Variants in CACNA1B observed in about 807,000 individuals in gnomAD.
CACNA1B encodes voltage-dependent N-type calcium channel subunit alpha-1B.
CACNA1B carries 70 observed loss-of-function variants against 247.2 expected under a neutral mutation model. That is an observed-to-expected ratio of 0.28 (90% confidence interval 0.23 to 0.35). The LOEUF (loss-of-function observed/expected upper bound fraction) is 0.35, where lower values mean the gene tolerates loss of function less well. Among genes scored for constraint, CACNA1B ranks in the 10% least tolerant of loss-of-function variants. CACNA1B has a pLI of 1.00. For synonymous variants in CACNA1B, 1,231 were observed against 1,294.4 expected (o/e 0.95, Z 1.05); for missense variants, 2,367 against 3,197.4 (o/e 0.74, Z 6.26).
rs539178683 is a variant in CACNA1B at position 137,923,992 on chromosome 9, A to G, written c.966+6561A>G. Among the ~76,000 whole-genome samples, 9 of 152,254 alleles carry G rather than the reference A, an allele frequency of 5.9e-5. No homozygotes were observed. The South Asian group carries it at 8.3e-4, about 14-fold the overall frequency. On this transcript the variant is annotated intron_variant, in intron 6 of 46. Coordinates refer to ENST00000371372, the MANE Select transcript of CACNA1B (RefSeq NM_000718.4). The stretch of plus-strand genomic sequence containing the variant: ...ATGTTCTGTTTGAATTGTTCTTTAT[A>G]TATTCTAGGAACTGGTTCTTTGTCA...
intron 15 of CACNA1B, among the ~76,000 whole-genome samples, chr9:138,003,160 A>G: frequency 6.8e-6 from 1 of 146,202 alleles, no homozygotes; most frequent in Non-Finnish European, 1.5e-5. Flanking sequence ...AGCCTTGGCA[A>G]TAGAGCAAGA....
rs755990606 is a variant in CACNA1B at position 137,971,407 on chromosome 9, T to C, written c.1358T>C (p.Leu453Pro). The change falls in exon 11 of 47, where the codon CTC becomes CCC. Residue 453 changes from leucine (L) to proline (P), a missense_variant. Transcript: ENST00000371372. This position sits in a 1 kb window ranked among gnomAD's most constrained non-coding sequence, Gnocchi z 4.4. ...GGATCCCCCTTCGCCCGCGCCAGCC[T>C]CAAGAGCGGGAAGACAGAGAGCTCG... ...AVGSPFARAS[L>P]KSGKTESSSY... 1 of 1,612,970 alleles carries C rather than the reference T, an allele frequency of 6.2e-7. No individual in the cohort carries two copies. Among genetic ancestry groups the C allele is most frequent in the South Asian group, 1.1e-5 (1 of 90,824 alleles).
At chr9:138,091,511 A>G (rs1024384824) in intron 36 of CACNA1B, among the ~76,000 whole-genome samples, 1 of 152,228 alleles carries the variant, frequency 6.6e-6, no homozygotes, top group African/African-American at 2.4e-5. Flanking sequence ...AGTTTGTTGA[A>G]TATTTTCAAA....
intron 3 of CACNA1B, among the ~76,000 whole-genome samples, chr9:137,894,912 T>C (rs1957156154): frequency 6.6e-6 from 1 of 152,198 alleles, no homozygotes; most frequent in Non-Finnish European, 1.5e-5. Flanking sequence ...GTTTTTCCTT[T>C]TGTGGATAAG....
rs1333583432 is a variant in CACNA1B at position 137,891,824 on chromosome 9, CG to C, written c.530+8943del. On this transcript the variant is annotated intron_variant, in intron 3 of 46. Coordinates refer to ENST00000371372, the MANE Select transcript of CACNA1B (RefSeq NM_000718.4). The surrounding 1 kb of genome is among the most constrained non-coding windows in gnomAD (Gnocchi z 4.3). The stretch of plus-strand genomic sequence containing the variant: ...CTGAAGCATCTCTACTCCAGCCAGA[CG>C]GACGCTAACGCAGATTCATTCCTAG... The C allele has an allele frequency of 2.8e-5, 10 of 354,720 alleles. No homozygotes were observed. Among genetic ancestry groups the C allele is most frequent in the African/African-American group, 4.3e-5 (2 of 46,674 alleles). 22.0% of individuals were successfully genotyped at this position (354,720 alleles called of 1,614,324 possible).
At chr9:138,091,403 G>A (rs897831207) in intron 36 of CACNA1B, among the ~76,000 whole-genome samples, 1 of 152,196 alleles carries the variant, frequency 6.6e-6, no homozygotes, top group Non-Finnish European at 1.5e-5. Context: ...GAGGATGGGG[G>A]ATAGCCAAAG....
intron 31 of CACNA1B, among the ~76,000 whole-genome samples, chr9:138,062,576 T>C (rs1477296756): frequency 6.6e-6 from 1 of 152,212 alleles, no homozygotes; most frequent in East Asian, 1.9e-4. Context: ...CGATGTCTCT[T>C]GGTGACACAC....
chr9:137,958,611 A>G (rs1957976241), intron 10 of CACNA1B, among the ~76,000 whole-genome samples: 1 of 152,074 alleles, frequency 6.6e-6, no homozygotes, highest in Non-Finnish European at 1.5e-5. Context: ...TCTCACTATG[A>G]AAAATACTGC....
chr9:137,893,183 C>T (rs956169681), intron 3 of CACNA1B, among the ~76,000 whole-genome samples: 1 of 151,020 alleles, frequency 6.6e-6, no homozygotes, highest in Non-Finnish European at 1.5e-5. Context: ...AAGTGAGCAG[C>T]ACAGCTCCTG....
At chr9:138,070,235 CT>C (rs1488872510) in intron 32 of CACNA1B, among the ~76,000 whole-genome samples, 13 of 152,212 alleles carry the variant, frequency 8.5e-5, no homozygotes, top group Admixed American at 7.8e-4. Flanking sequence ...GCAGACTCCC[CT>C]GTAGCTTCCG....
At chr9:138,060,913 G>A (rs1363787572) in intron 31 of CACNA1B, among the ~76,000 whole-genome samples, 1 of 151,566 alleles carries the variant, frequency 6.6e-6, no homozygotes, top group Non-Finnish European at 1.5e-5. Context: ...TCATCATCCC[G>A]TCCCCACCAC....
chr9:138,083,812 G>C (rs2872223), intron 36 of CACNA1B, among the ~76,000 whole-genome samples: 51,652 of 149,740 alleles, frequency 0.34, 14,139 homozygotes, highest in African/African-American at 0.74. Flanking sequence ...GCTCAAATGA[G>C]AGCGGTGCTC....
chr9:138,052,221 G>T lies in CACNA1B; in HGVS notation c.3807+33G>T. ...CCTGGAGTTGGGGCTTGAGGGATGT[G>T]CTGTGTGTGTGTGCGTGTGTGTGTG... On this transcript the variant is annotated intron_variant, in intron 25 of 46. Transcript: ENST00000371372. This position sits in a 1 kb window ranked among gnomAD's most constrained non-coding sequence, Gnocchi z 5.1. The T allele has an allele frequency of 8.7e-7, 1 of 1,153,020 alleles. No individual in the cohort carries two copies. The highest frequency in any genetic ancestry group is 2.1e-5 in the African/African-American group (1 of 48,042). 71.4% of individuals were successfully genotyped at this position (1,153,020 alleles called of 1,614,324 possible). A position where few individuals can be genotyped will look rare whatever the true frequency, so the allele number is the denominator to read the frequency against.
At chr9:138,119,894 G>A (rs539749243) in intron 44 of CACNA1B, among the ~76,000 whole-genome samples, 30 of 152,266 alleles carry the variant, frequency 2.0e-4, no homozygotes, top group African/African-American at 5.5e-4. Flanking sequence ...CAGCAGAGGC[G>A]TCTCTGGTTT....
At position 137,881,532 on chromosome 9, in the gene CACNA1B, C is replaced by T. The variant is rs748726157; in HGVS notation, c.391-1212C>T. Among the ~76,000 whole-genome samples, 4 of 152,188 alleles carry T rather than the reference C, an allele frequency of 2.6e-5. No homozygotes were observed. Among genetic ancestry groups the T allele is most frequent in the Non-Finnish European group, 5.9e-5 (4 of 68,032 alleles). On this transcript the variant is annotated intron_variant, in intron 2 of 46. Coordinates refer to ENST00000371372, the MANE Select transcript of CACNA1B (RefSeq NM_000718.4). This position sits in a 1 kb window ranked among gnomAD's most constrained non-coding sequence, Gnocchi z 4.3. ...CCTGAAGACGAACCCTCAGGGGAGG[C>T]CCTTGAAGCTGGTCTCCTCTCCCCA...
chr9:138,053,499 T>C (rs1472288143), intron 25 of CACNA1B, among the ~76,000 whole-genome samples: 1 of 152,158 alleles, frequency 6.6e-6, no homozygotes, highest in African/African-American at 2.4e-5. Flanking sequence ...GTGCCCTGCC[T>C]GGTCCTCTCT....
intron 15 of CACNA1B, among the ~76,000 whole-genome samples, chr9:138,002,326 GATC>G (rs1958587165): frequency 6.6e-6 from 1 of 152,052 alleles, no homozygotes; most frequent in African/African-American, 2.4e-5. Flanking sequence ...AAAAAAATTG[GATC>G]ATCATCTCCA....
chr9:138,001,291 T>A (rs1168185874), intron 15 of CACNA1B, among the ~76,000 whole-genome samples: 1 of 85,574 alleles, frequency 1.2e-5, no homozygotes, highest in Non-Finnish European at 2.1e-5. Context: ...AAAAATCTGG[T>A]AAAGAGTATC....
In CACNA1B at chr9:137,899,509, A is replaced by G. The variant is rs898396134; in HGVS notation, c.531-13671A>G. Among the ~76,000 whole-genome samples, 10 of 152,198 alleles carry G rather than the reference A, an allele frequency of 6.6e-5. No individual in the cohort carries two copies. Among genetic ancestry groups the G allele is most frequent in the Non-Finnish European group, 1.0e-4 (7 of 68,040 alleles). ...TGTGCTTGGGGTTGGGGTTCCCCGC[A>G]TGCCATGCCTAGCTCTTCTTCTCCC... On this transcript the variant is annotated intron_variant, in intron 3 of 46. Transcript: ENST00000371372. The surrounding 1 kb of genome is among the most constrained non-coding windows in gnomAD (Gnocchi z 5.0).
Sources: gnomAD v4.1 joint callset for allele counts (sites outside exome capture counted in the v4.1 genomes callset) on GRCh38, gnomAD v4.1.1 for gene constraint, Gnocchi (gnomAD v3.1) non-coding constraint, MANE v1.5 for transcripts, NCBI Gene and HGNC (gene_info 2026-07-23, HGNC 2026-07-21) for gene names.